SPATA13: variants seen among roughly 807,000 people sequenced by gnomAD.
SPATA13 encodes spermatogenesis-associated protein 13.
A neutral mutation model predicts 104.0 loss-of-function variants in SPATA13; 50 were observed. The observed-to-expected ratio is 0.48, with a 90% CI of 0.38 to 0.61. SPATA13 has a LOEUF of 0.61. Among genes scored for constraint, SPATA13 ranks in the 20% least tolerant of loss-of-function variants. The pLI is 0.00. For synonymous variants in SPATA13, 606 were observed against 667.5 expected, an observed-to-expected ratio of 0.91 and a Z score of 1.42; for missense variants, 1,524 against 1,690.6, an observed-to-expected ratio of 0.90 and a Z score of 1.73.
rs191372380 is a variant in SPATA13 at position 24,240,461 on chromosome 13, C to T, written c.1654-9016C>T. ...CCTGGGAGTGTTGGTTTTGGGGTCA[C>T]GGTGGTGACACGTGTCTATGATGTG... On this transcript the variant is annotated intron_variant, in intron 2 of 12. Transcript: ENST00000382108. 1.4e-4 allele frequency among the ~76,000 whole-genome samples: 22 copies of T among 151,930 alleles called. No homozygotes were observed. The East Asian group carries it at 4.1e-3, about 28-fold the overall frequency.
At chr13:24,027,343 C>A (rs185712511) in intron 3 of SPATA13, among the ~76,000 whole-genome samples, 102 of 152,056 alleles carry the variant, frequency 6.7e-4, no homozygotes, top group African/African-American at 2.4e-3. Flanking sequence ...CCATGTTGAT[C>A]AGGCTAGTCT....
At chr13:24,021,292 G>A (rs138665183) in intron 3 of SPATA13, among the ~76,000 whole-genome samples, 1 of 152,216 alleles carries the variant, frequency 6.6e-6, no homozygotes, top group South Asian at 2.1e-4. Context: ...TCCTGAAGAT[G>A]CCTGTTTGCT....
chr13:24,025,642 T>C (rs1877176172), intron 3 of SPATA13, among the ~76,000 whole-genome samples: 1 of 152,234 alleles, frequency 6.6e-6, no homozygotes, highest in Non-Finnish European at 1.5e-5. Flanking sequence ...TTCCTGGTTT[T>C]CAAATTTCTG....
intron 4 of SPATA13, chr13:24,278,954 T>TCCCTCCC: frequency 1.6e-6 from 1 of 634,788 alleles, no homozygotes. Flanking sequence ...CCTTCCCTCC[T>TCCCTCCC]TCCTTCCTTC....
rs1218445448 is a variant in SPATA13, at chr13:24,115,500, G to GC, written c.-112+97800dup. 1.4e-4 allele frequency among the ~76,000 whole-genome samples: 21 copies of GC among 152,266 alleles called. 1 individual carries two copies. Among genetic ancestry groups the GC allele is most frequent in the Admixed American group, 1.2e-3 (19 of 15,292 alleles). On this transcript the variant is annotated intron_variant, in intron 3 of 14. Transcript: ENST00000424834. ...ACCGCGCATGCGAAGGATGTACGTT[G>GC]CGTGCTCCTTATGAGAATCTAACTA...
intron 2 of SPATA13, among the ~76,000 whole-genome samples, chr13:24,228,508 G>A (rs1381937144): frequency 6.6e-6 from 1 of 152,174 alleles, no homozygotes; most frequent in African/African-American, 2.4e-5. Flanking sequence ...AATGTTCGGT[G>A]TTACTTGTAG....
intron 1 of SPATA13, among the ~76,000 whole-genome samples, chr13:24,192,424 G>T (rs890567109): frequency 1.9e-4 from 29 of 151,914 alleles, no homozygotes; most frequent in African/African-American, 6.8e-4. Context: ...TTCTCCTCCT[G>T]CCCCTTCAGT....
At chr13:24,110,522 C>A (rs1880605167) in intron 3 of SPATA13, among the ~76,000 whole-genome samples, 1 of 152,142 alleles carries the variant, frequency 6.6e-6, no homozygotes, top group African/African-American at 2.4e-5. Flanking sequence ...CTGCATCAGC[C>A]CCCAGTCTAA....
chr13:24,177,958 G>A (rs1276650242), intron 1 of SPATA13, among the ~76,000 whole-genome samples: 1 of 152,092 alleles, frequency 6.6e-6, no homozygotes, highest in African/African-American at 2.4e-5. Context: ...CTGGGCCCAA[G>A]AGATCCTCCT....
intron 1 of SPATA13, among the ~76,000 whole-genome samples, chr13:24,221,806 A>ATTTT (rs35282665): frequency 7.4e-5 from 9 of 122,442 alleles, no homozygotes; most frequent in African/African-American, 2.2e-4. Context: ...TTACCTCTGA[A>ATTTT]TTTTTTTTTT....
At chr13:24,269,979 C>T (rs550326866) in intron 4 of SPATA13, among the ~76,000 whole-genome samples, 1 of 151,958 alleles carries the variant, frequency 6.6e-6, no homozygotes, top group Non-Finnish European at 1.5e-5. Flanking sequence ...GCGTCATCCT[C>T]CTGAGTAGTT....
At chr13:24,085,810 C>T (rs1879698982) in intron 3 of SPATA13, among the ~76,000 whole-genome samples, 1 of 152,220 alleles carries the variant, frequency 6.6e-6, no homozygotes, top group South Asian at 2.1e-4. Context: ...CATTTAGGGT[C>T]CAGTGTATTT....
intron 3 of SPATA13, among the ~76,000 whole-genome samples, chr13:24,073,531 C>G (rs182418013): frequency 2.8e-4 from 43 of 152,314 alleles, no homozygotes; most frequent in African/African-American, 9.9e-4. Flanking sequence ...GGCAGTCTGT[C>G]CTCACACACA....
chr13:24,129,703 C>A (rs1477174005), intron 3 of SPATA13, among the ~76,000 whole-genome samples: 1 of 152,196 alleles, frequency 6.6e-6, no homozygotes, highest in Non-Finnish European at 1.5e-5. Flanking sequence ...GCTGTGTACA[C>A]CCAAAGGCTG....
intron 4 of SPATA13, among the ~76,000 whole-genome samples, chr13:24,255,531 G>T (rs1317141279): frequency 6.6e-6 from 1 of 152,158 alleles, no homozygotes; most frequent in Non-Finnish European, 1.5e-5. Context: ...CTGCTGTGTG[G>T]TATAGTAACT....
At chr13:24,218,064 G>A (rs557284299) in intron 1 of SPATA13, among the ~76,000 whole-genome samples, 14 of 152,344 alleles carry the variant, frequency 9.2e-5, no homozygotes, top group Non-Finnish European at 1.2e-4. Context: ...CAGCCCTGCT[G>A]GAGGGAAAGG....
At chr13:24,144,277 C>T (rs1394577705) in intron 3 of SPATA13, among the ~76,000 whole-genome samples, 2 of 152,152 alleles carry the variant, frequency 1.3e-5, no homozygotes, top group Non-Finnish European at 2.9e-5. Context: ...GTGTACGTCA[C>T]AAACATCACA....
At chr13:23,992,552 C>T (rs1267145758) in intron 2 of SPATA13, among the ~76,000 whole-genome samples, 2 of 152,126 alleles carry the variant, frequency 1.3e-5, no homozygotes, top group African/African-American at 4.8e-5. Context: ...GTGTGATTTC[C>T]AGGACCATTA....
chr13:24,270,799 C>A, intron 4 of SPATA13: 1 of 1,611,802 alleles, frequency 6.2e-7, no homozygotes, highest in Non-Finnish European at 8.5e-7. Context: ...TGCTTGGGGA[C>A]CGGCTCCTCG....
Sources: allele counts gnomAD v4.1 joint callset (sites outside exome capture counted in the v4.1 genomes callset), GRCh38; gene constraint gnomAD v4.1.1; transcripts MANE v1.5; gene names NCBI Gene and HGNC (gene_info 2026-07-23, HGNC 2026-07-21).